Variants in AGMO observed in about 807,000 individuals in gnomAD.
The protein encoded by AGMO is glyceryl-ether monooxygenase.
In AGMO, 75 loss-of-function variants were observed where a neutral mutation model predicts 60.2. The ratio of observed to expected loss-of-function variants is 1.25; its 90% CI spans 1.03 to 1.51. The LOEUF (loss-of-function observed/expected upper bound fraction) is 1.51. Among genes scored for constraint, AGMO ranks in the 40% most tolerant of loss-of-function variants. The probability of loss-of-function intolerance (pLI) is 0.00; values close to 1 mark genes in which losing one functional copy is unlikely to be tolerated. For missense variants in AGMO, 763 were observed against 525.5 expected (o/e 1.45, Z -4.42); for synonymous variants, 261 against 177.1 (o/e 1.47, Z -3.76).
chr7:15,390,602 A>G, intron 8 of AGMO, 69 bp downstream of exon 8: 4 of 1,269,016 alleles, frequency 3.2e-6, no homozygotes, highest in Non-Finnish European at 3.3e-6. Context: ...TCTACAGCTG[A>G]TTTTTCTCTT....
intron 3 of AGMO, among the ~76,000 whole-genome samples, chr7:15,455,480 C>A (rs1781977052): frequency 6.6e-6 from 1 of 152,078 alleles, no homozygotes; most frequent in African/African-American, 2.4e-5. Flanking sequence ...TTTCCCTCCA[C>A]CATCAATTGG....
intron 12 of AGMO, among the ~76,000 whole-genome samples, chr7:15,209,669 A>G: frequency 6.6e-6 from 1 of 152,112 alleles, no homozygotes; most frequent in Admixed American, 6.5e-5. Context: ...CCTAAGTCTC[A>G]AGTCATAAAC....
intron 12 of AGMO, among the ~76,000 whole-genome samples, chr7:15,305,697 A>C (rs1780594484): frequency 1.3e-5 from 2 of 151,994 alleles, no homozygotes; most frequent in Non-Finnish European, 2.9e-5. Context: ...TAGACATGCA[A>C]CTAATTTACT....
At chr7:15,445,900 A>C (rs1781686646) in intron 3 of AGMO, among the ~76,000 whole-genome samples, 1 of 152,164 alleles carries the variant, frequency 6.6e-6, no homozygotes, top group Admixed American at 6.5e-5. Flanking sequence ...GTCCTACTGT[A>C]AACTGGACTT....
At chr7:15,366,116 C>A in intron 11 of AGMO, 24 bp downstream of exon 11, 1 of 1,565,882 alleles carries the variant, frequency 6.4e-7, no homozygotes, top group Non-Finnish European at 8.7e-7. Flanking sequence ...AAAGTAAAAA[C>A]AATGCAAGAA....
chr7:15,285,869 A>T (rs559218245), intron 12 of AGMO, among the ~76,000 whole-genome samples: 1 of 152,284 alleles, frequency 6.6e-6, no homozygotes, highest in East Asian at 1.9e-4. Context: ...GTATACAAGT[A>T]GGTGCATCAT....
intron 12 of AGMO, among the ~76,000 whole-genome samples, chr7:15,283,160 C>T (rs940011190): frequency 2.6e-5 from 4 of 151,920 alleles, no homozygotes; most frequent in Non-Finnish European, 5.9e-5. Flanking sequence ...CTCACAGGGC[C>T]CATAAAACAA....
At chr7:15,189,259 TATTAATGAAATTTAC>T in the AGMO span, among the ~76,000 whole-genome samples, 1 of 152,018 alleles carries the variant, frequency 6.6e-6, no homozygotes, top group Non-Finnish European at 1.5e-5. Flanking sequence ...ATGGCCTTAT[TATTAATGAAATTTAC>T]AAATAGGGCC....
intron 12 of AGMO, among the ~76,000 whole-genome samples, chr7:15,326,779 G>A (rs369707730): frequency 2.0e-5 from 3 of 151,936 alleles, no homozygotes; most frequent in South Asian, 4.2e-4. Flanking sequence ...TCATCTTTAG[G>A]CCTCTGGGAA....
intron 3 of AGMO, among the ~76,000 whole-genome samples, chr7:15,474,230 C>A (rs1315525212): frequency 1.3e-5 from 2 of 152,014 alleles, no homozygotes; most frequent in African/African-American, 2.4e-5. Flanking sequence ...CAAAAAAGAG[C>A]CCATATAGCC....
At chr7:15,251,365 C>G (rs746247326) in intron 12 of AGMO, among the ~76,000 whole-genome samples, 162 of 152,220 alleles carry the variant, frequency 1.1e-3, no homozygotes, top group Non-Finnish European at 1.1e-3. Flanking sequence ...GAAATTAAAA[C>G]AAGATAACTT....
At position 15,231,542 on chromosome 7, in the gene AGMO, C is replaced by A. The variant is rs1782259956; in HGVS notation, c.1264-30183G>T. ...CAGTTTAAAATCAAATAATGTGTTACACATCACACCATTTGAGAAAGCATG... is the reference window on the plus strand; with the variant it reads ...CAGTTTAAAATCAAATAATGTGTTAAACATCACACCATTTGAGAAAGCATG... On this transcript the variant is annotated intron_variant, in intron 12 of 12. Coordinates refer to ENST00000342526, the MANE Select transcript of AGMO (RefSeq NM_001004320.2). 5.9e-5 allele frequency among the ~76,000 whole-genome samples: 9 copies of A among 152,288 alleles called. No homozygotes were observed. The South Asian group carries it at 1.9e-3, about 32-fold the overall frequency.
chr7:15,152,095 T>C, the AGMO span, among the ~76,000 whole-genome samples: 2 of 152,198 alleles, frequency 1.3e-5, no homozygotes, highest in Non-Finnish European at 2.9e-5. Flanking sequence ...ATAGTTAAGA[T>C]AGTTAAATCT....
chr7:15,550,634 G>T lies in AGMO; in HGVS notation c.258-5711C>A, dbSNP rs1279798051. ...TAAACCAGGAAGAAGTTGAATCTCT[G>T]AATAGACCAATAACAGGAGCTGAAA... On this transcript the variant is annotated intron_variant, in intron 2 of 12. Transcript: ENST00000342526. 4.6e-4 allele frequency among the ~76,000 whole-genome samples: 69 copies of T among 151,116 alleles called. 1 individual carries two copies. Among genetic ancestry groups the T allele is most frequent in the Admixed American group, 3.3e-4 (5 of 15,178 alleles).
At chr7:15,311,628 G>A (rs1011799066) in intron 12 of AGMO, among the ~76,000 whole-genome samples, 1 of 151,880 alleles carries the variant, frequency 6.6e-6, no homozygotes, top group African/African-American at 2.4e-5. Context: ...AATTCCCTCT[G>A]GAGGAAGTCA....
the AGMO span, among the ~76,000 whole-genome samples, chr7:15,138,731 C>T: frequency 6.6e-6 from 1 of 152,014 alleles, no homozygotes; most frequent in African/African-American, 2.4e-5. Flanking sequence ...ATAATGAGGT[C>T]GATCAATAGA....
intron 12 of AGMO, among the ~76,000 whole-genome samples, chr7:15,241,015 A>G (rs1248422700): frequency 6.6e-6 from 1 of 152,164 alleles, no homozygotes; most frequent in Non-Finnish European, 1.5e-5. Flanking sequence ...CTAGATTCCA[A>G]TGAGCTTTAA....
chr7:15,458,783 A>G (rs149731900), intron 3 of AGMO, among the ~76,000 whole-genome samples: 8 of 152,272 alleles, frequency 5.3e-5, no homozygotes, highest in Non-Finnish European at 1.0e-4. Flanking sequence ...CTAAGACGAC[A>G]CAACCACAAA....
chr7:15,406,273 CATGT>C (rs1784683390), intron 5 of AGMO, among the ~76,000 whole-genome samples: 1 of 139,326 alleles, frequency 7.2e-6, no homozygotes, highest in Non-Finnish European at 1.5e-5. Context: ...TATAAGTATA[CATGT>C]ACACATATGT....
Sources: allele counts gnomAD v4.1 joint callset (sites outside exome capture counted in the v4.1 genomes callset), GRCh38; gene constraint gnomAD v4.1.1; transcripts MANE v1.5; gene names NCBI Gene and HGNC (gene_info 2026-07-23, HGNC 2026-07-21).